The following CNTN5 variants were observed in gnomAD, a reference collection of about 807,000 sequenced individuals.
The protein encoded by CNTN5 is contactin 5.
CNTN5 carries 77 observed loss-of-function variants against 129.1 expected under a neutral mutation model. The observed-to-expected ratio is 0.60, with a 90% confidence interval of 0.50 to 0.72. CNTN5 has a LOEUF of 0.72. Among genes scored for constraint, CNTN5 ranks in the 30% least tolerant of loss-of-function variants. The probability of loss-of-function intolerance (pLI) is 0.00; values close to 1 mark genes in which losing one functional copy is unlikely to be tolerated. For missense variants in CNTN5, 1,478 were observed against 1,328.8 expected, an observed-to-expected ratio of 1.11 and a Z score of -1.75; for synonymous variants, 509 against 465.6, an observed-to-expected ratio of 1.09 and a Z score of -1.20.
chr11:99,963,340 G>A (rs190963278), intron 8 of CNTN5, among the ~76,000 whole-genome samples: 1,913 of 152,258 alleles, frequency 0.013, 21 homozygotes, highest in Non-Finnish European at 0.02. Flanking sequence ...TTTGTATAAG[G>A]TGTAAGGAGG....
chr11:99,796,017 G>A (rs1945924472), intron 3 of CNTN5, among the ~76,000 whole-genome samples: 1 of 152,148 alleles, frequency 6.6e-6, no homozygotes, highest in Admixed American at 6.6e-5. Flanking sequence ...TGGGGCACTG[G>A]CAGGTGTGGG....
intron 1 of CNTN5, among the ~76,000 whole-genome samples, chr11:99,177,157 T>C (rs1208252877): frequency 6.6e-6 from 1 of 152,076 alleles, no homozygotes; most frequent in Non-Finnish European, 1.5e-5. Context: ...TTTTTTCTGG[T>C]GCCACCTTCT....
chr11:99,261,479 A>C (rs1862625678), intron 1 of CNTN5, among the ~76,000 whole-genome samples: 1 of 152,100 alleles, frequency 6.6e-6, no homozygotes, highest in East Asian at 1.9e-4. Context: ...TCTATATTTA[A>C]CTGAAAACTG....
chr11:99,481,595 T>C (rs1011886430), intron 2 of CNTN5, among the ~76,000 whole-genome samples: 1 of 152,172 alleles, frequency 6.6e-6, no homozygotes, highest in African/African-American at 2.4e-5. Context: ...ACTTAATCAC[T>C]CAGTATTACC....
intron 1 of CNTN5, among the ~76,000 whole-genome samples, chr11:99,225,894 G>C (rs559972641): frequency 2.5e-3 from 379 of 152,212 alleles, no homozygotes; most frequent in Middle Eastern, 0.01. Flanking sequence ...TTGTTCTACA[G>C]TTAAACATGT....
chr11:99,597,681 TA>T (rs1247187882), intron 3 of CNTN5, among the ~76,000 whole-genome samples: 1 of 152,168 alleles, frequency 6.6e-6, no homozygotes, highest in Non-Finnish European at 1.5e-5. Flanking sequence ...TGTGTTATTA[TA>T]AGACTAACTT....
At chr11:99,108,021 T>C (rs1266053329) in intron 1 of CNTN5, among the ~76,000 whole-genome samples, 1 of 151,668 alleles carries the variant, frequency 6.6e-6, no homozygotes, top group Non-Finnish European at 1.5e-5. Flanking sequence ...TTAGCAGAAC[T>C]GGACTATGAA....
At chr11:99,567,723 A>G (rs534834674) in intron 3 of CNTN5, among the ~76,000 whole-genome samples, 86 of 152,314 alleles carry the variant, frequency 5.6e-4, no homozygotes, top group Admixed American at 3.4e-3. Flanking sequence ...TGCACATTGT[A>G]TCTGTCCCTG....
At chr11:99,880,961 A>G (rs938599926) in intron 6 of CNTN5, among the ~76,000 whole-genome samples, 15 of 152,190 alleles carry the variant, frequency 9.9e-5, no homozygotes, top group African/African-American at 3.4e-4. Context: ...AAAAATTGTC[A>G]TGGTTCATTA....
intron 4 of CNTN5, among the ~76,000 whole-genome samples, chr11:99,842,214 C>G (rs1368100592): frequency 6.6e-6 from 1 of 151,998 alleles, no homozygotes; most frequent in Non-Finnish European, 1.5e-5. Flanking sequence ...CTAGATTTAG[C>G]TAATTGTTTT....
At chr11:99,094,880 C>A (rs1866404233) in intron 1 of CNTN5, among the ~76,000 whole-genome samples, 1 of 151,838 alleles carries the variant, frequency 6.6e-6, no homozygotes. Flanking sequence ...GTATATTGTT[C>A]TTAATATAAT....
At chr11:99,037,576 CTTTT>C (rs1161467398) in intron 1 of CNTN5, among the ~76,000 whole-genome samples, 7 of 105,654 alleles carry the variant, frequency 6.6e-5, no homozygotes, top group Admixed American at 2.0e-4. Context: ...TTTTTCTTTT[CTTTT>C]TTTTTTTTTT....
intron 1 of CNTN5, among the ~76,000 whole-genome samples, chr11:99,149,340 G>A (rs1197403286): frequency 5.9e-5 from 9 of 152,014 alleles, no homozygotes; most frequent in African/African-American, 1.7e-4. Flanking sequence ...AGGGGAAGAT[G>A]AGAGACTTAA....
At chr11:100,038,891 C>T (rs1191208644) in intron 9 of CNTN5, among the ~76,000 whole-genome samples, 1 of 152,148 alleles carries the variant, frequency 6.6e-6, no homozygotes, top group African/African-American at 2.4e-5. Flanking sequence ...TTCCTGAATA[C>T]AGCACACTGA....
At chr11:99,367,540 G>C (rs1320930119) in intron 2 of CNTN5, among the ~76,000 whole-genome samples, 1 of 152,106 alleles carries the variant, frequency 6.6e-6, no homozygotes, top group Non-Finnish European at 1.5e-5. Context: ...ATACAGGTCA[G>C]ATATGATAGC....
chr11:99,905,255 G>T (rs1191762277), intron 6 of CNTN5, among the ~76,000 whole-genome samples: 1 of 152,140 alleles, frequency 6.6e-6, no homozygotes, highest in South Asian at 2.1e-4. Context: ...TTTTCTTCAA[G>T]GGTTTTTGTG....
intron 1 of CNTN5, among the ~76,000 whole-genome samples, chr11:99,224,548 G>T (rs547183092): frequency 1.3e-5 from 2 of 152,032 alleles, no homozygotes; most frequent in Non-Finnish European, 2.9e-5. Context: ...GTGTAGCACG[G>T]GCGTCATTAC....
intron 2 of CNTN5, among the ~76,000 whole-genome samples, chr11:99,433,039 CTG>C (rs1943452878): frequency 6.7e-6 from 1 of 148,702 alleles, no homozygotes. Flanking sequence ...GTTTAGTGGA[CTG>C]TGTAGATTGA....
At chr11:100,119,255 A>G (rs945858748) in intron 13 of CNTN5, among the ~76,000 whole-genome samples, 12 of 151,896 alleles carry the variant, frequency 7.9e-5, no homozygotes, top group African/African-American at 2.7e-4. Context: ...AGAAACACAT[A>G]TTACTACAGC....
Sources: allele counts gnomAD v4.1 joint callset (sites outside exome capture counted in the v4.1 genomes callset), GRCh38; gene constraint gnomAD v4.1.1; transcripts MANE v1.5; gene names NCBI Gene and HGNC (gene_info 2026-07-23, HGNC 2026-07-21).